The following ZFHX3 variants were observed in gnomAD, a reference collection of about 807,000 sequenced individuals.
ZFHX3 encodes the protein zinc finger homeobox protein 3.
A neutral mutation model predicts 279.1 loss-of-function variants in ZFHX3; 42 were observed. The observed-to-expected ratio is 0.15, with a 90% CI of 0.12 to 0.19. The LOEUF is 0.19. ZFHX3 is among the 10% of genes least tolerant of loss of function. The probability of loss-of-function intolerance (pLI) is 1.00; values close to 1 mark genes in which losing one functional copy is unlikely to be tolerated. For synonymous variants in ZFHX3, 2,293 were observed against 1,957.8 expected, an observed-to-expected ratio of 1.17 and a Z score of -4.52; for missense variants, 4,981 against 4,754.0, an observed-to-expected ratio of 1.05 and a Z score of -1.40.
chr16:73,835,386 TCTTTCCCCTTTCCCCAC>T (rs1193068980), intron 1 of ZFHX3, among the ~76,000 whole-genome samples: 3 of 151,562 alleles, frequency 2.0e-5, no homozygotes, highest in African/African-American at 7.3e-5. Context: ...CCGTCCCTCT[TCTTTCCCCTTTCCCCAC>T]CTTTCCCCAC....
At chr16:73,214,115 A>G (rs1256749040) in intron 5 of ZFHX3, among the ~76,000 whole-genome samples, 3 of 152,224 alleles carry the variant, frequency 2.0e-5, no homozygotes, top group African/African-American at 7.2e-5. Flanking sequence ...ACCCCAGCTC[A>G]GTGTCAGTGT....
At chr16:73,116,257 T>C (rs775104802) in intron 7 of ZFHX3, among the ~76,000 whole-genome samples, 52 of 151,944 alleles carry the variant, frequency 3.4e-4, no homozygotes, top group Admixed American at 2.3e-3. Flanking sequence ...CAGAGCCGGG[T>C]TGAGTGGGTG....
At chr16:73,433,233 G>A (rs2017940060) in intron 3 of ZFHX3, among the ~76,000 whole-genome samples, 1 of 152,216 alleles carries the variant, frequency 6.6e-6, no homozygotes, top group South Asian at 2.1e-4. Flanking sequence ...CTGCAAGAGA[G>A]ATTTGAAACC....
chr16:73,177,442 CCTT>C (rs1967690118), intron 5 of ZFHX3, among the ~76,000 whole-genome samples: 2 of 152,146 alleles, frequency 1.3e-5, no homozygotes, highest in South Asian at 4.1e-4. Context: ...CATAATGGCA[CCTT>C]ACATTTAGAG....
intron 4 of ZFHX3, among the ~76,000 whole-genome samples, chr16:72,873,689 A>G (rs2038223870): frequency 6.6e-6 from 1 of 152,210 alleles, no homozygotes; most frequent in African/African-American, 2.4e-5. Context: ...AAAATCTTGA[A>G]AACAGAGAAA....
At chr16:73,586,844 G>C (rs987429363) in intron 2 of ZFHX3, among the ~76,000 whole-genome samples, 1 of 152,180 alleles carries the variant, frequency 6.6e-6, no homozygotes, top group Non-Finnish European at 1.5e-5. Flanking sequence ...TCTGAGGTTA[G>C]TGAAATTCAT....
chr16:72,798,323 C>T lies in ZFHX3; in HGVS notation c.4359G>A (p.Leu1453=), dbSNP rs1371359926. The change falls in exon 9 of 10, where the codon CTG becomes CTA. Residue 1453 remains leucine, a synonymous_variant. Transcript: ENST00000268489. The part of the protein sequence containing the change: ...ALKKHLETSH[L]ELSEADIQQL... ...GTTGGATGTCAGCCTCACTCAGCTC[C>T]AGGTGGCTTGTCTCAAGGTGCTTCT... 18 of 1,614,086 alleles carry T rather than the reference C, an allele frequency of 1.1e-5. No homozygotes were observed. Among genetic ancestry groups the T allele is most frequent in the Non-Finnish European group, 1.4e-5 (17 of 1,180,044 alleles).
chr16:73,559,003 C>G (rs986211317), intron 2 of ZFHX3, among the ~76,000 whole-genome samples: 27 of 151,884 alleles, frequency 1.8e-4, no homozygotes, highest in African/African-American at 6.5e-4. Context: ...GCATGAGCCA[C>G]CTCCTCCTCT....
At chr16:72,854,685 C>T (rs1165630361) in intron 4 of ZFHX3, among the ~76,000 whole-genome samples, 2 of 152,008 alleles carry the variant, frequency 1.3e-5, no homozygotes, top group Non-Finnish European at 2.9e-5. Context: ...AGGCCAATTT[C>T]AAAGACTAAT....
intron 2 of ZFHX3, among the ~76,000 whole-genome samples, chr16:73,659,415 T>G (rs1382788414): frequency 6.6e-6 from 1 of 152,116 alleles, no homozygotes; most frequent in East Asian, 1.9e-4. Flanking sequence ...CAGGTTCGAT[T>G]AGAAGCCACG....
chr16:72,907,654 C>G (rs1192115728), intron 3 of ZFHX3, among the ~76,000 whole-genome samples: 1 of 143,092 alleles, frequency 7.0e-6, no homozygotes, highest in African/African-American at 2.6e-5. Context: ...CTCCTGTGTA[C>G]AAGTCCATGC....
chr16:73,095,813 T>G (rs1056640204), intron 7 of ZFHX3, among the ~76,000 whole-genome samples: 27 of 152,340 alleles, frequency 1.8e-4, no homozygotes, highest in Non-Finnish European at 1.0e-4. Flanking sequence ...AAATGCAATT[T>G]CATTTGAAAG....
intron 3 of ZFHX3, among the ~76,000 whole-genome samples, chr16:73,377,562 C>T (rs989895526): frequency 3.3e-5 from 5 of 152,146 alleles, no homozygotes; most frequent in African/African-American, 1.2e-4. Flanking sequence ...ATCTTTCCAT[C>T]TCAGCTGCCA....
chr16:73,241,509 G>A (rs2013119826), intron 5 of ZFHX3, among the ~76,000 whole-genome samples: 4 of 151,460 alleles, frequency 2.6e-5, no homozygotes, highest in African/African-American at 7.3e-5. Flanking sequence ...GAGGGTTGGG[G>A]GCCGGGCGCG....
intron 1 of ZFHX3, among the ~76,000 whole-genome samples, chr16:73,822,707 G>C (rs548482129): frequency 2.0e-5 from 3 of 152,266 alleles, no homozygotes; most frequent in East Asian, 3.9e-4. Flanking sequence ...CAAATGTTTG[G>C]ATGAAAGTGA....
intron 2 of ZFHX3, among the ~76,000 whole-genome samples, chr16:73,612,331 G>T (rs1012120230): frequency 1.3e-5 from 2 of 152,110 alleles, no homozygotes; most frequent in Non-Finnish European, 2.9e-5. Context: ...GCAAACAATA[G>T]CAGCTGCATT....
chr16:73,289,144 C>G (rs1163775812), intron 4 of ZFHX3, among the ~76,000 whole-genome samples: 1 of 151,584 alleles, frequency 6.6e-6, no homozygotes, highest in Non-Finnish European at 1.5e-5. Flanking sequence ...GAGAGGTCCT[C>G]CAATCGCTGG....
At chr16:73,685,085 G>T (rs1435395867) in intron 1 of ZFHX3, among the ~76,000 whole-genome samples, 1 of 151,228 alleles carries the variant, frequency 6.6e-6, no homozygotes. Flanking sequence ...CCCAACCTCG[G>T]CTCACTGCAA....
At chr16:73,444,357 C>T (rs2018145425) in intron 3 of ZFHX3, among the ~76,000 whole-genome samples, 1 of 152,112 alleles carries the variant, frequency 6.6e-6, no homozygotes, top group South Asian at 2.1e-4. Flanking sequence ...GATCAGAATC[C>T]CTGGCCTGTA....
Sources: allele counts gnomAD v4.1 joint callset (sites outside exome capture counted in the v4.1 genomes callset), GRCh38; gene constraint gnomAD v4.1.1; transcripts MANE v1.5; gene names NCBI Gene and HGNC (gene_info 2026-07-23, HGNC 2026-07-21).